PCDH9: variants seen among roughly 807,000 people sequenced by gnomAD.
The protein encoded by PCDH9 is protocadherin-9.
Under a neutral mutation model 70.6 loss-of-function variants are expected in PCDH9, and 24 were observed. The observed-to-expected ratio is 0.34, with a 90% CI of 0.25 to 0.48. The LOEUF (loss-of-function observed/expected upper bound fraction) is 0.48, where lower values mean the gene tolerates loss of function less well. PCDH9 is among the 20% of genes least tolerant of loss of function. PCDH9 has a pLI of 0.99. For synonymous variants in PCDH9, 562 were observed against 558.5 expected, an observed-to-expected ratio of 1.01 and a Z score of -0.09; for missense variants, 1,281 against 1,503.6, an observed-to-expected ratio of 0.85 and a Z score of 2.45.
At chr13:67,223,120 C>G (rs2089770312) in intron 2 of PCDH9, 2 of 152,138 alleles carry the variant, frequency 1.3e-5, no homozygotes, top group Admixed American at 6.6e-5. Flanking sequence ...CATAGGAGAA[C>G]TGCAAAGTGA....
rs76264747 is a variant in PCDH9 at position 66,631,564 on chromosome 13, C to T, written c.3139-153G>A. 4.2e-3 allele frequency among the ~76,000 whole-genome samples: 636 copies of T among 152,274 alleles called. 20 individuals are homozygous for T. In the East Asian group the frequency reaches 0.081, roughly 19 times the overall value. On this transcript the variant is annotated intron_variant, in intron 3 of 4. Coordinates refer to ENST00000377865, the MANE Select transcript of PCDH9 (RefSeq NM_203487.3). ...CAAAGCTAAGAACAAGTATTAATTA[C>T]TTGCCATTTACTATGTAATGGCCAA...
chr13:67,072,629 T>C (rs1053656933), intron 2 of PCDH9, among the ~76,000 whole-genome samples: 1 of 152,066 alleles, frequency 6.6e-6, no homozygotes, highest in African/African-American at 2.4e-5. Context: ...CTACACTTAA[T>C]CTATATGAAG....
intron 2 of PCDH9, among the ~76,000 whole-genome samples, chr13:67,021,297 T>C (rs573617451): frequency 5.3e-5 from 8 of 152,186 alleles, no homozygotes; most frequent in Admixed American, 2.6e-4. Context: ...GAACCACTCA[T>C]AGTTGCATCC....
chr13:67,161,634 A>G (rs1414305522), intron 2 of PCDH9, among the ~76,000 whole-genome samples: 7 of 152,174 alleles, frequency 4.6e-5, no homozygotes, highest in Non-Finnish European at 1.5e-5. Context: ...TTTTTGTGGC[A>G]GGGAACTGTT....
At chr13:66,843,067 C>T (rs1035867618) in intron 3 of PCDH9, among the ~76,000 whole-genome samples, 1 of 152,170 alleles carries the variant, frequency 6.6e-6, no homozygotes, top group Non-Finnish European at 1.5e-5. Context: ...CAATTACTAT[C>T]GGCAGTGAAC....
At chr13:66,386,781 T>G (rs900832719) in intron 4 of PCDH9, among the ~76,000 whole-genome samples, 5 of 152,188 alleles carry the variant, frequency 3.3e-5, no homozygotes, top group Admixed American at 2.0e-4. Context: ...TTATTAATAT[T>G]AATTTGTTGG....
chr13:66,892,218 A>T lies in PCDH9; in HGVS notation c.3138+11286T>A, dbSNP rs565066391. On this transcript the variant is annotated intron_variant, in intron 3 of 4. Coordinates refer to ENST00000377865, the MANE Select transcript of PCDH9 (RefSeq NM_203487.3). The stretch of plus-strand genomic sequence containing the variant: ...ATGTGTTATGTGTGTGTATATATAT[A>T]ATATATATATATAATGTGTGTGTGT... Among the ~76,000 whole-genome samples, 1,213 of 147,136 alleles carry T rather than the reference A, an allele frequency of 8.2e-3. 15 individuals are homozygous for T. Among genetic ancestry groups the T allele is most frequent in the African/African-American group, 0.029 (1,156 of 39,784 alleles).
chr13:66,811,035 G>T (rs945975399), intron 3 of PCDH9, among the ~76,000 whole-genome samples: 1 of 151,890 alleles, frequency 6.6e-6, no homozygotes, highest in African/African-American at 2.4e-5. Flanking sequence ...AAAATTTATT[G>T]TAGTTTCATT....
intron 3 of PCDH9, among the ~76,000 whole-genome samples, chr13:66,708,404 T>TTG (rs372191354): frequency 2.4e-4 from 4 of 16,906 alleles, no homozygotes; most frequent in South Asian, 0.013. Flanking sequence ...TGAGATTTAG[T>TTG]TTTTTTTTTT....
intron 2 of PCDH9, among the ~76,000 whole-genome samples, chr13:66,981,051 T>A (rs553908764): frequency 2.0e-5 from 3 of 152,170 alleles, no homozygotes; most frequent in Non-Finnish European, 4.4e-5. Flanking sequence ...ATATTCTACA[T>A]GTTATAGCTA....
intron 2 of PCDH9, among the ~76,000 whole-genome samples, chr13:66,959,208 C>T (rs1393987532): frequency 2.0e-5 from 3 of 152,022 alleles, no homozygotes; most frequent in African/African-American, 4.8e-5. Flanking sequence ...TTACATGAAG[C>T]ACATATAAGA....
chr13:66,966,765 T>C (rs1487067669), intron 2 of PCDH9, among the ~76,000 whole-genome samples: 2 of 152,022 alleles, frequency 1.3e-5, no homozygotes, highest in Non-Finnish European at 2.9e-5. Context: ...TGTTCATAGT[T>C]GCAGTGGCTC....
chr13:66,554,880 C>T (rs976733682), intron 4 of PCDH9, among the ~76,000 whole-genome samples: 3 of 151,992 alleles, frequency 2.0e-5, no homozygotes, highest in African/African-American at 7.2e-5. Flanking sequence ...TTAAAAAATG[C>T]TTCTTGCGGC....
chr13:67,032,085 G>A (rs535824590), intron 2 of PCDH9, among the ~76,000 whole-genome samples: 6 of 152,280 alleles, frequency 3.9e-5, no homozygotes, highest in Non-Finnish European at 7.3e-5. Context: ...TGGAAAAGCC[G>A]GCAGTCATAG....
chr13:67,039,998 GA>G lies in PCDH9; in HGVS notation c.3037-136394del, dbSNP rs199635636. Among the ~76,000 whole-genome samples the G allele has an allele frequency of 1.1e-4, 16 of 142,936 alleles. 1 individual carries two copies. Among genetic ancestry groups the G allele is most frequent in the Middle Eastern group, 7.3e-3 (2 of 274 alleles). 93.8% of individuals were successfully genotyped at this position (142,936 alleles called of 152,430 possible). The stretch of plus-strand genomic sequence containing the variant: ...TGAGAATTGGTTGGTGTGGAAAAAA[GA>G]AAAAAAAAACAAGCATTTGTTGTCA... On this transcript the variant is annotated intron_variant, in intron 2 of 4. Transcript: ENST00000377865.
chr13:66,375,062 A>ATGAT (rs1183828214), intron 4 of PCDH9, among the ~76,000 whole-genome samples: 3 of 152,158 alleles, frequency 2.0e-5, no homozygotes, highest in African/African-American at 7.2e-5. Flanking sequence ...TGTCTAATAC[A>ATGAT]TGATTAACTC....
chr13:66,715,525 C>T (rs1401189638), intron 3 of PCDH9, among the ~76,000 whole-genome samples: 1 of 152,076 alleles, frequency 6.6e-6, no homozygotes, highest in African/African-American at 2.4e-5. Context: ...GAGCCGTATA[C>T]AATTTATAAT....
chr13:66,436,418 C>T (rs1031750844), intron 4 of PCDH9, among the ~76,000 whole-genome samples: 2 of 152,106 alleles, frequency 1.3e-5, no homozygotes, highest in Admixed American at 1.3e-4. Flanking sequence ...TTATAAATTA[C>T]CCAGTCTCAG....
intron 2 of PCDH9, among the ~76,000 whole-genome samples, chr13:67,036,102 C>T (rs1277575441): frequency 6.6e-6 from 1 of 152,168 alleles, no homozygotes; most frequent in East Asian, 1.9e-4. Flanking sequence ...AGTAGAGTCA[C>T]AGCCTGTTCT....
Sources: gnomAD v4.1 joint callset for allele counts (sites outside exome capture counted in the v4.1 genomes callset) on GRCh38, gnomAD v4.1.1 for gene constraint, MANE v1.5 for transcripts, NCBI Gene and HGNC (gene_info 2026-07-23, HGNC 2026-07-21) for gene names.